The following SNPH variants were observed in gnomAD, a reference collection of about 807,000 sequenced individuals.
SNPH encodes the protein syntaphilin.
SNPH carries 10 observed loss-of-function variants against 36.8 expected under a neutral mutation model. The ratio of observed to expected loss-of-function variants is 0.27; its 90% CI spans 0.17 to 0.46. The LOEUF is 0.46. Ranked by LOEUF, SNPH falls within the 20% of genes least tolerant of loss-of-function variation. The probability of loss-of-function intolerance (pLI) is 1.00; values close to 1 mark genes in which losing one functional copy is unlikely to be tolerated. For missense variants in SNPH, 622 were observed against 744.0 expected (o/e 0.84, Z 1.91); for synonymous variants, 281 against 312.2 (o/e 0.90, Z 1.05).
At chr20:1,297,008 C>T in intron 4 of SNPH, 137 bp from the exon 5 acceptor site, 1 of 1,422,090 alleles carries the variant, frequency 7.0e-7, no homozygotes, top group Non-Finnish European at 9.3e-7. Flanking sequence ...CTGTGCGTCT[C>T]TCTCTCCCTG....
chr20:1,278,669 C>T lies in SNPH; in HGVS notation c.-493+11909C>T, dbSNP rs546303393. ...TATTTTGAGATTGATGTTGTGTATA[C>T]CAATAGTTTATTCCTTTTTTTTCTT... On this transcript the variant is annotated intron_variant, in intron 2 of 6. Transcript: ENST00000381867. 5.3e-5 allele frequency among the ~76,000 whole-genome samples: 8 copies of T among 152,204 alleles called. No homozygotes were observed. In the South Asian group the frequency reaches 1.7e-3, roughly 32 times the overall value.
Position 1,308,933 on chromosome 20 carries a change from C to G in SNPH, c.*2879C>G, listed in dbSNP as rs2088618428. 6.6e-6 allele frequency: 1 copy of G among 152,320 alleles called. No individual in the cohort carries two copies. Among genetic ancestry groups the G allele is most frequent in the African/African-American group, 2.4e-5 (1 of 41,466 alleles). 9.4% of individuals were successfully genotyped at this position (152,320 alleles called of 1,614,324 possible). ...GGAATCGGACGCTGGGGCCCGGGCT[C>G]TGCACAGAGAGCTGGGCTTGAGTGG... On this transcript the variant is annotated 3_prime_UTR_variant, in exon 7 of 7. Transcript: ENST00000381867.
rs1238289307 is a variant in SNPH, at chr20:1,307,544, G to A, written c.*1490G>A. The A allele has an allele frequency of 6.6e-6, 1 of 152,492 alleles. No individual in the cohort carries two copies. Among genetic ancestry groups the A allele is most frequent in the Non-Finnish European group, 1.5e-5 (1 of 68,142 alleles). The allele number at this position is 152,492 out of a possible 1,614,324, so 9.4% of individuals were successfully genotyped here. ...CACCTCTGGGGGTTGGAGGGACCCT[G>A]TGTCTTACTCGCCCCTCTGGCCTAA... On this transcript the variant is annotated 3_prime_UTR_variant, in exon 7 of 7. Coordinates refer to ENST00000381867, the MANE Select transcript of SNPH (RefSeq NM_001318234.2).
In SNPH at chr20:1,303,884, T is replaced by A. The variant is rs181295464; in HGVS notation, c.441-994T>A. ...GCTCATGTGGGCTGCCACTAGGAAG[T>A]GAGCGAAAATGCCCAGGACAGGGTT... On this transcript the variant is annotated intron_variant, in intron 6 of 6. Transcript: ENST00000381867. Among the ~76,000 whole-genome samples, 20 of 152,220 alleles carry A rather than the reference T, an allele frequency of 1.3e-4. No individual in the cohort carries two copies. In the East Asian group the frequency reaches 3.7e-3, roughly 28 times the overall value.
chr20:1,300,488 G>T, intron 5 of SNPH, 74 bp from the exon 6 acceptor site: 2 of 1,549,394 alleles, frequency 1.3e-6, no homozygotes, highest in African/African-American at 1.4e-5. Flanking sequence ...GTGTCCCCTT[G>T]CTCCCCAGAG....
Position 1,296,182 on chromosome 20 carries a change from C to T in SNPH, c.-58C>T, listed in dbSNP as rs957373087. 90 of 1,408,950 alleles carry T rather than the reference C, an allele frequency of 6.4e-5. No individual in the cohort carries two copies. The highest frequency in any genetic ancestry group is 7.4e-5 in the Non-Finnish European group (79 of 1,065,956). 87.3% of individuals were successfully genotyped at this position (1,408,950 alleles called of 1,614,324 possible). A position where few individuals can be genotyped will look rare whatever the true frequency, so the allele number is the denominator to read the frequency against. On this transcript the variant is annotated 5_prime_UTR_variant, in exon 4 of 7. Transcript: ENST00000381867. ...TATTCAATTCACTGGTGGAGGCAGC[C>T]GTGGTCTGCCAGGCCCTCGCTCCTG...
At chr20:1,287,823 T>A (rs1212028873) in intron 2 of SNPH, among the ~76,000 whole-genome samples, 1 of 152,224 alleles carries the variant, frequency 6.6e-6, no homozygotes, top group Non-Finnish European at 1.5e-5. Context: ...GAAGCCGGAC[T>A]GAGGCTTGAC....
chr20:1,303,542 C>T (rs931180270), intron 6 of SNPH, among the ~76,000 whole-genome samples: 3 of 152,216 alleles, frequency 2.0e-5, no homozygotes, highest in African/African-American at 4.8e-5. Context: ...TATCTCCTGC[C>T]CCTCAGTACC....
At position 1,297,205 on chromosome 20, in the gene SNPH, C is replaced by T. The variant is rs750225161; in HGVS notation, c.243C>T (p.Ser81=). ...ACGGCACCTCTTCGCTCAGCAGCAG[C>T]AGCAATTCTGGCTCCTACAAGGGCA... ...DAYGTSSLSS[S]SNSGSYKGSD... is the part of the protein sequence containing the mutation. Residue 81 remains serine, a synonymous_variant, in exon 5 of 7, where the codon AGC becomes AGT. Coordinates refer to ENST00000381867, the MANE Select transcript of SNPH (RefSeq NM_001318234.2). The T allele has an allele frequency of 6.2e-7, 1 of 1,613,964 alleles. No individual in the cohort carries two copies. The highest frequency in any genetic ancestry group is 1.1e-5 in the South Asian group (1 of 91,074).
chr20:1,277,529 C>T (rs2088148133), intron 2 of SNPH, among the ~76,000 whole-genome samples: 1 of 126,602 alleles, frequency 7.9e-6, no homozygotes, highest in Non-Finnish European at 1.6e-5. Flanking sequence ...GTGTGTCTGT[C>T]TGTGCATGTG....
chr20:1,295,454 T>G (rs1484553608), intron 3 of SNPH, among the ~76,000 whole-genome samples: 2 of 152,190 alleles, frequency 1.3e-5, no homozygotes, highest in Non-Finnish European at 2.9e-5. Context: ...GTCCACCCAC[T>G]GGGACACCCC....
At chr20:1,292,982 T>C (rs1450020786) in intron 2 of SNPH, among the ~76,000 whole-genome samples, 2 of 152,198 alleles carry the variant, frequency 1.3e-5, no homozygotes, top group Non-Finnish European at 2.9e-5. Flanking sequence ...GCTGCCCCCA[T>C]GTTTTAGTGT....
chr20:1,300,783 G>A, intron 6 of SNPH, 72 bp downstream of exon 6: 1 of 1,472,020 alleles, frequency 6.8e-7, no homozygotes. Flanking sequence ...AGGGCTCTGG[G>A]GTGCCTCTTG....
In SNPH at chr20:1,300,662, C is replaced by T. The variant is rs562927965; in HGVS notation, c.391C>T (p.Arg131Trp). The T allele has an allele frequency of 2.5e-6, 4 of 1,612,930 alleles. No homozygotes were observed. Among genetic ancestry groups the T allele is most frequent in the South Asian group, 1.1e-5 (1 of 91,024 alleles). The change falls in exon 6 of 7, where the codon CGG becomes TGG. Residue 131 changes from arginine to tryptophan, a missense_variant. Around this residue, in one of 3 missense-constraint regions of SNPH, gnomAD observed 187 missense variants for 209.4 expected, o/e 0.89. Coordinates refer to ENST00000381867, the MANE Select transcript of SNPH (RefSeq NM_001318234.2). The part of the protein sequence containing the change: ...TPLQQKEVCI[R>W]HLKARLKDTQ... ...CCTGCAGCAGAAGGAGGTGTGCATC[C>T]GGCACCTGAAAGCCCGGCTGAAGGA...
At chr20:1,297,282 C>A (rs1428062879) in intron 5 of SNPH, 30 bp downstream of exon 5, 1 of 1,599,750 alleles carries the variant, frequency 6.3e-7, no homozygotes, top group Non-Finnish European at 8.5e-7. Context: ...TGGGCCTGGC[C>A]CTGCTGGCTG....
chr20:1,303,120 CT>C (rs2122442636), intron 6 of SNPH, among the ~76,000 whole-genome samples: 1 of 152,376 alleles, frequency 6.6e-6, no homozygotes, highest in East Asian at 1.9e-4. Flanking sequence ...TACTGTCACT[CT>C]CCCCACACTC....
chr20:1,297,468 A>G (rs918897533), intron 5 of SNPH, among the ~76,000 whole-genome samples: 1 of 152,226 alleles, frequency 6.6e-6, no homozygotes, highest in Non-Finnish European at 1.5e-5. Context: ...AAAAAAATAC[A>G]GTGGCCTAAA....
intron 2 of SNPH, among the ~76,000 whole-genome samples, chr20:1,272,075 G>A (rs538253712): frequency 6.6e-6 from 1 of 152,150 alleles, no homozygotes; most frequent in African/African-American, 2.4e-5. Context: ...AAGTAAGAAG[G>A]CCATGTTATC....
intron 2 of SNPH, among the ~76,000 whole-genome samples, chr20:1,268,646 G>A (rs1026423034): frequency 6.7e-6 from 1 of 150,314 alleles, no homozygotes; most frequent in Non-Finnish European, 1.5e-5. Context: ...TTTGGCAGAG[G>A]CCCTATCATT....
Sources: gnomAD v4.1 joint callset for allele counts (sites outside exome capture counted in the v4.1 genomes callset) on GRCh38, gnomAD v4.1.1 for gene constraint, gnomAD v4.1.1 regional missense constraint, MANE v1.5 for transcripts, NCBI Gene and HGNC (gene_info 2026-07-23, HGNC 2026-07-21) for gene names.